The following CPEB1 variants were observed in gnomAD, a reference collection of about 807,000 sequenced individuals.
CPEB1 encodes the protein cytoplasmic polyadenylation element binding protein 1, also known as cytoplasmic polyadenylation element-binding protein 1.
A neutral mutation model predicts 65.8 loss-of-function variants in CPEB1; 7 were observed. The ratio of observed to expected loss-of-function variants is 0.11; its 90% CI spans 0.06 to 0.20. The LOEUF (loss-of-function observed/expected upper bound fraction) is 0.20, where lower values mean the gene tolerates loss of function less well. CPEB1 is among the 10% of genes least tolerant of loss of function. The probability of loss-of-function intolerance (pLI) is 1.00; values close to 1 mark genes in which losing one functional copy is unlikely to be tolerated. For synonymous variants in CPEB1, 262 were observed against 260.0 expected (o/e 1.01, Z -0.08); for missense variants, 551 against 712.2 (o/e 0.77, Z 2.58).
chr15:82,592,891 G>A lies in CPEB1; in HGVS notation c.272-21359C>T, dbSNP rs563449576. Among the ~76,000 whole-genome samples, 4 of 152,256 alleles carry A rather than the reference G, an allele frequency of 2.6e-5. No homozygotes were observed. In the East Asian group the frequency reaches 7.7e-4, roughly 29 times the overall value. On this transcript the variant is annotated intron_variant, in intron 3 of 12. Coordinates refer to ENST00000684509, the MANE Select transcript of CPEB1 (RefSeq NM_001365242.1). ...ACATGCCTGTGGTCCCAGCTACTCG[G>A]GAGGCTGAGGCAGGAGAATCACCTG...
At chr15:82,607,313 C>T (rs1276456947) in intron 3 of CPEB1, among the ~76,000 whole-genome samples, 1 of 152,146 alleles carries the variant, frequency 6.6e-6, no homozygotes, top group African/African-American at 2.4e-5. Flanking sequence ...TAGGGCTGGG[C>T]ACGGTGGCTC....
At chr15:82,587,174 G>A (rs941928238) in intron 3 of CPEB1, among the ~76,000 whole-genome samples, 6 of 152,282 alleles carry the variant, frequency 3.9e-5, no homozygotes, top group Admixed American at 2.6e-4. Context: ...CAATGGTGAT[G>A]AGCCATTTAG....
chr15:82,647,774 C>G, upstream of CPEB1: 2 of 1,185,982 alleles, frequency 1.7e-6, no homozygotes, highest in Non-Finnish European at 2.1e-6. Context: ...GGTACCGCGG[C>G]GCCGGACCCG....
At chr15:82,578,488 G>A (rs2040900634) in intron 3 of CPEB1, among the ~76,000 whole-genome samples, 1 of 152,168 alleles carries the variant, frequency 6.6e-6, no homozygotes. Flanking sequence ...AAGTTGGTGG[G>A]CACAGTGGTT....
At chr15:82,578,571 C>T (rs2040907188) in intron 3 of CPEB1, among the ~76,000 whole-genome samples, 1 of 152,112 alleles carries the variant, frequency 6.6e-6, no homozygotes, top group South Asian at 2.1e-4. Flanking sequence ...CGAGACCAGA[C>T]ATGGCGAAAC....
chr15:82,627,221 T>G lies in CPEB1; in HGVS notation c.243A>C (p.Ile81=). The G allele has an allele frequency of 6.2e-7, 1 of 1,611,528 alleles. No individual in the cohort carries two copies. Among genetic ancestry groups the G allele is most frequent in the African/African-American group, 1.3e-5 (1 of 74,906 alleles). The change falls in exon 3 of 13, where the codon ATA becomes ATC. Residue 81 remains isoleucine, a synonymous_variant. Coordinates refer to ENST00000684509, the MANE Select transcript of CPEB1 (RefSeq NM_001365242.1). ...GCAAATGATCATGAATTCCTCGGTT[T>G]ATAGGTGTAGTGCAGACTCTACTGA... ...LDFSRVCTTP[I]NRGIHDHLPD...
chr15:82,639,963 T>C (rs774220597), intron 1 of CPEB1, among the ~76,000 whole-genome samples: 5 of 152,138 alleles, frequency 3.3e-5, no homozygotes, highest in African/African-American at 1.2e-4. Flanking sequence ...TGTTTAACTC[T>C]CCCGGGAAAA....
Position 82,544,270 on chromosome 15 carries a change from T to A in CPEB1, c.*322A>T. On this transcript the variant is annotated 3_prime_UTR_variant, in exon 13 of 13. Coordinates refer to ENST00000684509, the MANE Select transcript of CPEB1 (RefSeq NM_001365242.1). Reference sequence around the variant, plus strand: ...AATACCTCAATACCTTCTGGACACGTAGTTTTTTTTTTTTTTTTTTTTTTC... The same window carrying A: ...AATACCTCAATACCTTCTGGACACGAAGTTTTTTTTTTTTTTTTTTTTTTC... 1 of 249,372 alleles carries A rather than the reference T, an allele frequency of 4.0e-6. No individual in the cohort carries two copies. Among genetic ancestry groups the A allele is most frequent in the Non-Finnish European group, 7.3e-6 (1 of 137,078 alleles). 15.4% of individuals were successfully genotyped at this position (249,372 alleles called of 1,614,324 possible). A position where few individuals can be genotyped will look rare whatever the true frequency, so the allele number is the denominator to read the frequency against.
intron 3 of CPEB1, among the ~76,000 whole-genome samples, chr15:82,587,758 A>G (rs973258545): frequency 3.3e-5 from 5 of 152,258 alleles, no homozygotes; most frequent in African/African-American, 1.2e-4. Flanking sequence ...ATATTTAAAG[A>G]AAGATGAGCT....
At chr15:82,643,448 G>T (rs933666481) in intron 1 of CPEB1, among the ~76,000 whole-genome samples, 1 of 152,060 alleles carries the variant, frequency 6.6e-6, no homozygotes, top group Non-Finnish European at 1.5e-5. Context: ...TGGCCAATAT[G>T]GTGAAACCCC....
chr15:82,571,333 C>T lies in CPEB1; in HGVS notation c.460+11G>A, dbSNP rs1453110050. On this transcript the variant is annotated intron_variant, in intron 4 of 12. Transcript: ENST00000684509. The stretch of plus-strand genomic sequence containing the variant: ...CCCCTTACCCCAGCCAACTCATTCT[C>T]TGGCACTCACCCGAGTGTGTGCTGC... The T allele has an allele frequency of 6.2e-7, 1 of 1,606,042 alleles. No homozygotes were observed. Among genetic ancestry groups the T allele is most frequent in the Non-Finnish European group, 8.5e-7 (1 of 1,175,822 alleles).
intron 6 of CPEB1, among the ~76,000 whole-genome samples, chr15:82,554,464 T>G (rs2036834561): frequency 6.6e-6 from 1 of 152,200 alleles, no homozygotes; most frequent in South Asian, 2.1e-4. Flanking sequence ...TCTGAACTCA[T>G]GAATCACAGA....
intron 3 of CPEB1, among the ~76,000 whole-genome samples, chr15:82,584,319 T>C (rs1596064835): frequency 7.3e-6 from 1 of 137,468 alleles, no homozygotes; most frequent in South Asian, 2.3e-4. Flanking sequence ...AACGTGAAGA[T>C]ACAAGTTTTT....
intron 3 of CPEB1, among the ~76,000 whole-genome samples, chr15:82,615,397 A>T (rs1298816967): frequency 6.6e-6 from 1 of 152,152 alleles, no homozygotes; most frequent in Non-Finnish European, 1.5e-5. Flanking sequence ...GAATAAAATA[A>T]TTTTTTCTAG....
At chr15:82,566,126 G>A (rs2039077287) in intron 4 of CPEB1, among the ~76,000 whole-genome samples, 1 of 152,170 alleles carries the variant, frequency 6.6e-6, no homozygotes. Flanking sequence ...CCTTCCCCAA[G>A]AGTACAAAGG....
intron 3 of CPEB1, among the ~76,000 whole-genome samples, chr15:82,573,629 T>C (rs2040329305): frequency 6.6e-6 from 1 of 152,106 alleles, no homozygotes. Flanking sequence ...TGACTGTGCA[T>C]ATGATTACCC....
chr15:82,569,580 A>C (rs1197430629), intron 4 of CPEB1, among the ~76,000 whole-genome samples: 1 of 152,246 alleles, frequency 6.6e-6, no homozygotes, highest in Non-Finnish European at 1.5e-5. Context: ...CAGGTGGTGG[A>C]GAAGCTGTGG....
intron 1 of CPEB1, among the ~76,000 whole-genome samples, chr15:82,639,345 A>G (rs141303989): frequency 6.6e-6 from 1 of 152,128 alleles, no homozygotes; most frequent in Admixed American, 6.5e-5. Flanking sequence ...AACATTTCCA[A>G]CACTCTATAA....
intron 3 of CPEB1, among the ~76,000 whole-genome samples, chr15:82,591,984 C>G (rs1215277943): frequency 1.3e-5 from 2 of 151,862 alleles, no homozygotes; most frequent in African/African-American, 4.8e-5. Context: ...GCTGAAGCTA[C>G]AGGCGTGTGC....
Sources: gnomAD v4.1 joint callset for allele counts (sites outside exome capture counted in the v4.1 genomes callset) on GRCh38, gnomAD v4.1.1 for gene constraint, MANE v1.5 for transcripts, NCBI Gene and HGNC (gene_info 2026-07-23, HGNC 2026-07-21) for gene names.